The following ELFN2 variants were observed in gnomAD, a reference collection of about 807,000 sequenced individuals.
ELFN2 encodes the protein protein phosphatase 1 regulatory subunit 29.
In ELFN2, 17 loss-of-function variants were observed where a neutral mutation model predicts 45.5. That is an observed-to-expected ratio of 0.37 (90% CI 0.26 to 0.56). The LOEUF is 0.56. Among genes scored for constraint, ELFN2 ranks in the 20% least tolerant of loss-of-function variants. The pLI is 0.77. For synonymous variants in ELFN2, 550 were observed against 551.5 expected (o/e 1.00, Z 0.04); for missense variants, 922 against 1,183.2 (o/e 0.78, Z 3.24).
chr22:37,426,563 C>A (rs182127714), intron 1 of ELFN2, among the ~76,000 whole-genome samples: 1 of 150,772 alleles, frequency 6.6e-6, no homozygotes, highest in Non-Finnish European at 1.5e-5. Flanking sequence ...AGCCAACACA[C>A]CCACCCCCTC....
rs1241900999 is a variant in ELFN2 at position 37,368,825 on chromosome 22, G to C, written c.*4247C>G. Reference sequence around the variant, plus strand: ...CAGGGGCAGGGTAGTAGGGGACAGAGGCGGTGCTTGGGGGACAGGCAGCCA... The same window carrying C: ...CAGGGGCAGGGTAGTAGGGGACAGACGCGGTGCTTGGGGGACAGGCAGCCA... On this transcript the variant is annotated 3_prime_UTR_variant, in exon 3 of 3. Transcript: ENST00000402918. The C allele has an allele frequency of 6.6e-6, 1 of 152,284 alleles. No individual in the cohort carries two copies. Among genetic ancestry groups the C allele is most frequent in the East Asian group, 1.9e-4 (1 of 5,182 alleles). The allele number at this position is 152,284 out of a possible 1,614,324, so 9.4% of individuals were successfully genotyped here.
rs1007608179 is a variant in ELFN2, at chr22:37,372,945, G to T, written c.*127C>A. ...GTGTGTGTGTGCGTGCGTGCGTGCG[G>T]GTCTGCATGTGCGTCCTCTCCTGGG... On this transcript the variant is annotated 3_prime_UTR_variant, in exon 3 of 3. Coordinates refer to ENST00000402918, the MANE Select transcript of ELFN2 (RefSeq NM_052906.5). The surrounding 1 kb of genome is among the most constrained non-coding windows in gnomAD (Gnocchi z 4.4). The T allele has an allele frequency of 1.8e-5, 19 of 1,055,164 alleles. No homozygotes were observed. Among genetic ancestry groups the T allele is most frequent in the Non-Finnish European group, 2.7e-6 (2 of 750,520 alleles). 65.4% of individuals were successfully genotyped at this position (1,055,164 alleles called of 1,614,324 possible).
chr22:37,352,244 C>T (rs1930839598), intron 1 of ELFN2: 1 of 150,992 alleles, frequency 6.6e-6, no homozygotes, highest in African/African-American at 2.4e-5. Context: ...ACTAAGGTAA[C>T]CCCAACAAGC....
rs1239898970 is a variant in ELFN2 at position 37,422,861 on chromosome 22, C to G, written c.-614+4437G>C. On this transcript the variant is annotated intron_variant, in intron 1 of 2. Coordinates refer to ENST00000402918, the MANE Select transcript of ELFN2 (RefSeq NM_052906.5). ...CCTTCTGCCTCGGCCTCCCAAAGTG[C>G]TAGGATTACAGGTGTGAGCCACCAC... is the stretch of plus-strand genomic sequence containing the variant. Among the ~76,000 whole-genome samples, 7 of 142,924 alleles carry G rather than the reference C, an allele frequency of 4.9e-5. No individual in the cohort carries two copies. The East Asian group carries it at 1.5e-3, about 30-fold the overall frequency. 93.8% of individuals were successfully genotyped at this position (142,924 alleles called of 152,430 possible). A position where few individuals can be genotyped will look rare whatever the true frequency, so the allele number is the denominator to read the frequency against.
chr22:37,423,934 G>T (rs904419944), intron 1 of ELFN2, among the ~76,000 whole-genome samples: 2 of 152,190 alleles, frequency 1.3e-5, no homozygotes, highest in Admixed American at 6.5e-5. Context: ...CCAAGAGAAG[G>T]TTAATTTAAT....
Position 37,373,034 on chromosome 22 carries a change from C to T in ELFN2, c.*38G>A. 1 of 1,544,506 alleles carries T rather than the reference C, an allele frequency of 6.5e-7. No individual in the cohort carries two copies. The highest frequency in any genetic ancestry group is 8.7e-7 in the Non-Finnish European group (1 of 1,143,756). On this transcript the variant is annotated 3_prime_UTR_variant, in exon 3 of 3. Coordinates refer to ENST00000402918, the MANE Select transcript of ELFN2 (RefSeq NM_052906.5). ...GACCCTTCCCCCAAAAGGCCCCCAG[C>T]CCTCTGGCTCCGACCTCACCAGGGA... is the stretch of plus-strand genomic sequence containing the variant.
intron 2 of ELFN2, among the ~76,000 whole-genome samples, chr22:37,392,465 C>A (rs1198773845): frequency 6.6e-6 from 1 of 151,904 alleles, no homozygotes; most frequent in Admixed American, 6.6e-5. Flanking sequence ...CTAGAGGCGC[C>A]CGCCACCACA....
intron 2 of ELFN2, among the ~76,000 whole-genome samples, chr22:37,397,323 A>T (rs1932240703): frequency 1.3e-5 from 2 of 152,180 alleles, no homozygotes; most frequent in Admixed American, 1.3e-4. Flanking sequence ...AATTGAAAAC[A>T]CAAAAGAACA....
At chr22:37,410,473 G>A (rs139551579) in intron 2 of ELFN2, among the ~76,000 whole-genome samples, 176 of 152,166 alleles carry the variant, frequency 1.2e-3, no homozygotes, top group Middle Eastern at 3.4e-3. Flanking sequence ...CCAGCACTCC[G>A]GGGTCCTGGT....
chr22:37,357,159 C>T (rs958828150), intron 1 of ELFN2, among the ~76,000 whole-genome samples: 1 of 152,132 alleles, frequency 6.6e-6, no homozygotes, highest in Non-Finnish European at 1.5e-5. Context: ...CATTATGTCT[C>T]GTATTCCAGC....
chr22:37,391,899 G>C (rs769795724), intron 2 of ELFN2, among the ~76,000 whole-genome samples: 18 of 152,336 alleles, frequency 1.2e-4, no homozygotes, highest in Non-Finnish European at 2.4e-4. Flanking sequence ...ACCTGGGCCT[G>C]AGCCCAACTG....
intron 2 of ELFN2, among the ~76,000 whole-genome samples, chr22:37,383,911 G>A (rs540770750): frequency 6.4e-4 from 97 of 152,242 alleles, no homozygotes; most frequent in African/African-American, 2.1e-3. Context: ...CCGCTGAGCC[G>A]CAGTGTGACC....
intron 2 of ELFN2, among the ~76,000 whole-genome samples, chr22:37,377,026 G>A (rs1931601713): frequency 6.6e-6 from 1 of 152,214 alleles, no homozygotes; most frequent in Admixed American, 6.5e-5. Context: ...AATTAGCTAG[G>A]TAAACCACAA....
At position 37,345,111 on chromosome 22, in the gene ELFN2, T is replaced by C. The variant is rs55763333; in HGVS notation, n.149-2408A>G. Among the ~76,000 whole-genome samples, 351 of 144,142 alleles carry C rather than the reference T, an allele frequency of 2.4e-3. 2 individuals are homozygous for C. The highest frequency in any genetic ancestry group is 8.6e-3 in the African/African-American group (340 of 39,682). The allele number at this position is 144,142 out of a possible 152,430, so 94.6% of individuals were successfully genotyped here. A position where few individuals can be genotyped will look rare whatever the true frequency, so the allele number is the denominator to read the frequency against. ...CATCACAGATGTCCACTTGGCCCACTACCTTCCTGTGCCCCCTTCTGGGCC... is the reference window on the plus strand; with the variant it reads ...CATCACAGATGTCCACTTGGCCCACCACCTTCCTGTGCCCCCTTCTGGGCC... On this transcript the variant is annotated intron_variant and non_coding_transcript_variant, in intron 1 of 2. Coordinates refer to ENST00000452946, the Ensembl canonical transcript of ELFN2.
At chr22:37,401,688 C>G (rs5756668) in intron 2 of ELFN2, among the ~76,000 whole-genome samples, 73,185 of 151,862 alleles carry the variant, frequency 0.48, 18,035 homozygotes, top group African/African-American at 0.57. Context: ...CTAGGAGGCG[C>G]GTGAGGTTTC....
At chr22:37,395,318 G>C (rs1448135184) in intron 2 of ELFN2, among the ~76,000 whole-genome samples, 1 of 151,998 alleles carries the variant, frequency 6.6e-6, no homozygotes, top group South Asian at 2.1e-4. Context: ...AGCATCAATC[G>C]AGTGCCGACC....
rs1203606951 is a variant in ELFN2, at chr22:37,375,575, G to T, written c.-41C>A. ...GTGAGGGGCCAGGGCAAGGCAGGGGGTGCCTAGCGGCCAGAGGCTGGGGCT... is the reference window on the plus strand; with the variant it reads ...GTGAGGGGCCAGGGCAAGGCAGGGGTTGCCTAGCGGCCAGAGGCTGGGGCT... On this transcript the variant is annotated 5_prime_UTR_variant, in exon 3 of 3. Transcript: ENST00000402918. 6.0e-6 allele frequency: 9 copies of T among 1,493,392 alleles called. No individual in the cohort carries two copies. Among genetic ancestry groups the T allele is most frequent in the Middle Eastern group, 2.4e-4 (1 of 4,118 alleles). The allele number at this position is 1,493,392 out of a possible 1,614,324, so 92.5% of individuals were successfully genotyped here.
chr22:37,360,115 T>A (rs1931048422), intron 1 of ELFN2, among the ~76,000 whole-genome samples: 1 of 152,208 alleles, frequency 6.6e-6, no homozygotes, highest in South Asian at 2.1e-4. Flanking sequence ...GGCCTCTTCC[T>A]GTTTTAGCCA....
At chr22:37,376,392 C>T (rs1011678152) in intron 2 of ELFN2, among the ~76,000 whole-genome samples, 2 of 130,864 alleles carry the variant, frequency 1.5e-5, no homozygotes, top group Non-Finnish European at 3.3e-5. Context: ...GGCATGCACA[C>T]GCAGACAGCT....
Sources: allele counts gnomAD v4.1 joint callset (sites outside exome capture counted in the v4.1 genomes callset), GRCh38; gene constraint gnomAD v4.1.1; non-coding constraint Gnocchi (gnomAD v3.1); transcripts MANE v1.5; gene names NCBI Gene and HGNC (gene_info 2026-07-23, HGNC 2026-07-21).